The following NFIB variants were observed in gnomAD, a reference collection of about 807,000 sequenced individuals.
NFIB encodes the protein nuclear factor 1 B-type.
Under a neutral mutation model 61.5 loss-of-function variants are expected in NFIB, and 11 were observed. The ratio of observed to expected loss-of-function variants is 0.18; its 90% CI spans 0.11 to 0.30. The LOEUF is 0.30. NFIB is among the 10% of genes least tolerant of loss of function. The probability of loss-of-function intolerance (pLI) is 1.00; values close to 1 mark genes in which losing one functional copy is unlikely to be tolerated. For synonymous variants in NFIB, 260 were observed against 216.5 expected (o/e 1.20, Z -1.76); for missense variants, 471 against 608.9 (o/e 0.77, Z 2.38).
chr9:14,449,523 T>C, the NFIB span, among the ~76,000 whole-genome samples: 1 of 152,198 alleles, frequency 6.6e-6, no homozygotes, highest in South Asian at 2.1e-4. Context: ...CAATAGAGAA[T>C]GCATGAGTTG....
At chr9:14,376,517 CAT>C (rs748655491) in intron 1 of NFIB, among the ~76,000 whole-genome samples, 1 of 128,430 alleles carries the variant, frequency 7.8e-6, no homozygotes, top group Non-Finnish European at 1.6e-5. Context: ...CTAAAAGTGT[CAT>C]TTTTTTTTTT....
At chr9:14,353,725 G>C (rs2061141789) in intron 1 of NFIB, among the ~76,000 whole-genome samples, 1 of 152,174 alleles carries the variant, frequency 6.6e-6, no homozygotes, top group Non-Finnish European at 1.5e-5. Context: ...CCGGGGACCA[G>C]CTGGAGGAGT....
intron 3 of NFIB, among the ~76,000 whole-genome samples, chr9:14,178,956 G>C (rs1341780865): frequency 6.6e-6 from 1 of 152,014 alleles, no homozygotes; most frequent in Admixed American, 6.6e-5. Flanking sequence ...GGGTTTTTGT[G>C]TTTGGTTTTG....
At chr9:14,315,565 G>T (rs1188892569), upstream of NFIB, among the ~76,000 whole-genome samples, 1 of 143,072 alleles carries the variant, frequency 7.0e-6, no homozygotes, top group Non-Finnish European at 1.5e-5. Context: ...GGGCGCGCGC[G>T]CGCCGCTGCA....
At chr9:14,463,162 A>T in the NFIB span, among the ~76,000 whole-genome samples, 1 of 149,982 alleles carries the variant, frequency 6.7e-6, no homozygotes, top group South Asian at 2.1e-4. Context: ...TTGTTTTATT[A>T]ATTAATTATT....
rs1419166966 is a variant in NFIB, at chr9:14,082,383, T to C, written c.*5926A>G. 2.5e-5 allele frequency: 5 copies of C among 203,150 alleles called. No homozygotes were observed. Among genetic ancestry groups the C allele is most frequent in the Non-Finnish European group, 4.0e-5 (4 of 98,774 alleles). The allele number at this position is 203,150 out of a possible 1,614,324, so 12.6% of individuals were successfully genotyped here. Reference sequence around the variant, plus strand: ...AAAGAAACACACAGTCCTACAAAAGTTGTTCTCAGAGAAATATCATTGAGG... The same window carrying C: ...AAAGAAACACACAGTCCTACAAAAGCTGTTCTCAGAGAAATATCATTGAGG... On this transcript the variant is annotated 3_prime_UTR_variant, in exon 11 of 11. Transcript: ENST00000380953.
chr9:14,236,562 G>T (rs1405111147), intron 2 of NFIB, among the ~76,000 whole-genome samples: 1 of 152,148 alleles, frequency 6.6e-6, no homozygotes, highest in African/African-American at 2.4e-5. Context: ...ACACTCATCC[G>T]TGCTGGACTA....
chr9:14,094,802 C>T (rs541085878), intron 10 of NFIB, among the ~76,000 whole-genome samples: 1 of 152,198 alleles, frequency 6.6e-6, no homozygotes, highest in East Asian at 1.9e-4. Flanking sequence ...TTCTTTATTG[C>T]TACTCCTTGG....
At chr9:14,316,929 G>A (rs1423066306), upstream of NFIB, among the ~76,000 whole-genome samples, 2 of 152,122 alleles carry the variant, frequency 1.3e-5, no homozygotes, top group African/African-American at 4.8e-5. Flanking sequence ...CTCTTTGAAT[G>A]CCTGGACTCT....
intron 2 of NFIB, among the ~76,000 whole-genome samples, chr9:14,230,673 T>C (rs536340527): frequency 6.6e-6 from 1 of 152,294 alleles, no homozygotes; most frequent in Admixed American, 6.5e-5. Flanking sequence ...ATGGGATTAA[T>C]AGAAGTGAAG....
chr9:14,273,815 C>G (rs934829811), intron 2 of NFIB, among the ~76,000 whole-genome samples: 1 of 152,148 alleles, frequency 6.6e-6, no homozygotes. Context: ...CAAATGTTCA[C>G]GTTTCCTGAA....
At chr9:14,191,033 A>C (rs2047890032) in intron 2 of NFIB, among the ~76,000 whole-genome samples, 1 of 152,084 alleles carries the variant, frequency 6.6e-6, no homozygotes, top group Non-Finnish European at 1.5e-5. Context: ...TCTCTACTAA[A>C]AATACAATAA....
intron 2 of NFIB, among the ~76,000 whole-genome samples, chr9:14,245,238 C>T (rs780361705): frequency 2.6e-5 from 4 of 152,106 alleles, no homozygotes; most frequent in South Asian, 2.1e-4. Context: ...ACCCAGGTGA[C>T]GAAATTAGAA....
chr9:14,402,134 A>G (rs1294640701), upstream of NFIB, among the ~76,000 whole-genome samples: 1 of 152,222 alleles, frequency 6.6e-6, no homozygotes, highest in Non-Finnish European at 1.5e-5. Context: ...AGCATGAAAG[A>G]GACATACTGA....
Position 14,307,637 on chromosome 9 carries a change from T to A in NFIB, c.31-117A>T. 1.1e-6 allele frequency: 1 copy of A among 946,366 alleles called. No individual in the cohort carries two copies. The highest frequency in any genetic ancestry group is 2.7e-5 in the East Asian group (1 of 37,238). 58.6% of individuals were successfully genotyped at this position (946,366 alleles called of 1,614,324 possible). ...CCAATTCAGTACAAAAAGTTATACA[T>A]GAAAATAACATTCCTTTCTTATTTA... On this transcript the variant is annotated intron_variant, in intron 1 of 10. Transcript: ENST00000380953. The surrounding 1 kb of genome is among the most constrained non-coding windows in gnomAD (Gnocchi z 5.3).
chr9:14,237,964 A>AG (rs886905731), intron 2 of NFIB, among the ~76,000 whole-genome samples: 1 of 151,362 alleles, frequency 6.6e-6, no homozygotes, highest in Non-Finnish European at 1.5e-5. Flanking sequence ...CTTACGGTCT[A>AG]GGAGGGGTAA....
intron 1 of NFIB, among the ~76,000 whole-genome samples, chr9:14,338,110 C>T (rs186695448): frequency 2.6e-5 from 4 of 152,208 alleles, no homozygotes; most frequent in African/African-American, 4.8e-5. Flanking sequence ...AAAGAAAATA[C>T]GTAGCCGGGC....
At chr9:14,477,500 C>T in the NFIB span, among the ~76,000 whole-genome samples, 2 of 152,048 alleles carry the variant, frequency 1.3e-5, no homozygotes, top group Admixed American at 6.5e-5. Context: ...ACTATCATGC[C>T]GAGTAATAAT....
intron 6 of NFIB, among the ~76,000 whole-genome samples, chr9:14,136,315 G>C (rs563761299): frequency 6.6e-6 from 1 of 152,084 alleles, no homozygotes; most frequent in Non-Finnish European, 1.5e-5. Context: ...GCAGGACTTG[G>C]AGCATATTTT....
Sources: allele counts gnomAD v4.1 joint callset (sites outside exome capture counted in the v4.1 genomes callset), GRCh38; gene constraint gnomAD v4.1.1; non-coding constraint Gnocchi (gnomAD v3.1); transcripts MANE v1.5; gene names NCBI Gene and HGNC (gene_info 2026-07-23, HGNC 2026-07-21).